NMT1: variants seen among roughly 807,000 people sequenced by gnomAD.
The protein encoded by NMT1 is glycylpeptide N-tetradecanoyltransferase 1.
In NMT1, 12 loss-of-function variants were observed where a neutral mutation model predicts 63.4. The observed-to-expected ratio is 0.19, with a 90% CI of 0.12 to 0.31. The LOEUF is 0.31. Ranked by LOEUF, NMT1 falls within the 10% of genes least tolerant of loss-of-function variation. NMT1 has a pLI of 1.00. For synonymous variants in NMT1, 228 were observed against 234.3 expected, an observed-to-expected ratio of 0.97 and a Z score of 0.25; for missense variants, 432 against 634.6, an observed-to-expected ratio of 0.68 and a Z score of 3.43.
At chr17:45,069,464 G>A (rs1288781342) in intron 1 of NMT1, among the ~76,000 whole-genome samples, 1 of 150,570 alleles carries the variant, frequency 6.6e-6, no homozygotes, top group Non-Finnish European at 1.5e-5. Context: ...GCTGATTTTT[G>A]TATTTTTAGT....
Position 45,103,093 on chromosome 17 carries a change from A to G in NMT1, c.1136A>G (p.Glu379Gly). Residue 379 changes from glutamate to glycine, a missense_variant, in exon 9 of 12, where the codon GAG becomes GGG. Coordinates refer to ENST00000258960, the MANE Select transcript of NMT1 (RefSeq NM_021079.5). This position sits in a 1 kb window ranked among gnomAD's most constrained non-coding sequence, Gnocchi z 4.8. ...GTGGAGCACTGGTTCTACCCCCAGG[A>G]GAATATCATCGACACTTTCGTGGTG... ...EEVEHWFYPQ[E>G]NIIDTFVVEN... The G allele has an allele frequency of 6.2e-7, 1 of 1,612,314 alleles. No individual in the cohort carries two copies. Among genetic ancestry groups the G allele is most frequent in the Non-Finnish European group, 8.5e-7 (1 of 1,178,516 alleles).
At chr17:45,070,763 G>C (rs1312902611) in intron 1 of NMT1, among the ~76,000 whole-genome samples, 2 of 152,144 alleles carry the variant, frequency 1.3e-5, no homozygotes, top group Admixed American at 1.3e-4. Flanking sequence ...TGTTGGCCAG[G>C]CTTGTCTCGA....
At chr17:45,087,973 C>T (rs961098794) in intron 3 of NMT1, among the ~76,000 whole-genome samples, 2 of 152,224 alleles carry the variant, frequency 1.3e-5, no homozygotes, top group Admixed American at 6.5e-5. Flanking sequence ...CCCAAAGCTG[C>T]AGAATCAGAA....
chr17:45,103,132 G>T lies in NMT1; in HGVS notation c.1164+11G>T. On this transcript the variant is annotated intron_variant, in intron 9 of 11. Transcript: ENST00000258960. This position sits in a 1 kb window ranked among gnomAD's most constrained non-coding sequence, Gnocchi z 4.8. ...ACTTTCGTGGTGGAGGTGAGTCAGG[G>T]AGTGGTGTTCCAGGTCTCTAACACG... The T allele has an allele frequency of 6.2e-7, 1 of 1,602,696 alleles. No homozygotes were observed. Among genetic ancestry groups the T allele is most frequent in the Non-Finnish European group, 8.5e-7 (1 of 1,170,734 alleles).
chr17:45,104,065 C>T lies in NMT1; in HGVS notation c.1332+189C>T, dbSNP rs111812742. On this transcript the variant is annotated intron_variant, in intron 10 of 11. Coordinates refer to ENST00000258960, the MANE Select transcript of NMT1 (RefSeq NM_021079.5). This position sits in a 1 kb window ranked among gnomAD's most constrained non-coding sequence, Gnocchi z 4.2. ...AAACTTGGAGGGAACAAGGAGCATC[C>T]GAAGTGAAGGCATTGAACTCCTCCT... is the stretch of plus-strand genomic sequence containing the variant. 73 of 1,522,166 alleles carry T rather than the reference C, an allele frequency of 4.8e-5. No individual in the cohort carries two copies. The highest frequency in any genetic ancestry group is 6.2e-5 in the Non-Finnish European group (71 of 1,139,568). 94.3% of individuals were successfully genotyped at this position (1,522,166 alleles called of 1,614,324 possible). A position where few individuals can be genotyped will look rare whatever the true frequency, so the allele number is the denominator to read the frequency against.
At chr17:45,101,009 G>A (rs1188100310) in intron 8 of NMT1, among the ~76,000 whole-genome samples, 25 of 146,202 alleles carry the variant, frequency 1.7e-4, no homozygotes, top group Non-Finnish European at 4.5e-5. Context: ...GTGAAACCCC[G>A]TCTCTACTAA....
chr17:45,096,339 C>A, intron 5 of NMT1, 54 bp downstream of exon 5: 1 of 1,350,118 alleles, frequency 7.4e-7, no homozygotes, highest in Non-Finnish European at 1.1e-6. Flanking sequence ...AGAGCAGATC[C>A]ACCAGAGGGC....
intron 8 of NMT1, among the ~76,000 whole-genome samples, chr17:45,101,138 A>C (rs1034118797): frequency 1.3e-5 from 2 of 151,374 alleles, no homozygotes; most frequent in Non-Finnish European, 2.9e-5. Context: ...GAGCTGAGAT[A>C]GCGCCATTGC....
intron 1 of NMT1, among the ~76,000 whole-genome samples, chr17:45,070,735 T>C (rs1380066162): frequency 6.6e-6 from 1 of 152,088 alleles, no homozygotes; most frequent in Non-Finnish European, 1.5e-5. Flanking sequence ...TAATTTTTAG[T>C]AGAGAAGGGT....
intron 1 of NMT1, among the ~76,000 whole-genome samples, chr17:45,076,731 C>T (rs1010640055): frequency 2.0e-5 from 3 of 148,838 alleles, no homozygotes; most frequent in Non-Finnish European, 4.5e-5. Context: ...GCCTGGGCAA[C>T]AAGAGTGAAA....
chr17:45,080,190 C>T (rs886747149), intron 1 of NMT1, among the ~76,000 whole-genome samples: 100 of 149,484 alleles, frequency 6.7e-4, no homozygotes, highest in African/African-American at 2.3e-3. Context: ...GACGGAGTTT[C>T]GCTCTTGTTT....
chr17:45,096,981 C>A (rs562854234), intron 5 of NMT1, 147 bp from the exon 6 acceptor site: 2 of 682,038 alleles, frequency 2.9e-6, no homozygotes, highest in East Asian at 5.0e-5. Context: ...TCTGTGTGTC[C>A]AGGAGGGCTT....
At chr17:45,089,781 GGTGC>G (rs888980039) in intron 3 of NMT1, among the ~76,000 whole-genome samples, 5 of 152,006 alleles carry the variant, frequency 3.3e-5, no homozygotes, top group Non-Finnish European at 7.4e-5. Context: ...TGGGACTACA[GGTGC>G]CTGCCACATG....
At chr17:45,098,655 T>C in intron 7 of NMT1, 103 bp downstream of exon 7, 1 of 1,065,046 alleles carries the variant, frequency 9.4e-7, no homozygotes, top group South Asian at 1.5e-5. Context: ...GCATCCCACC[T>C]CTGGCGTATC....
intron 1 of NMT1, among the ~76,000 whole-genome samples, chr17:45,063,507 C>CTTTTTTTTTTTTTTTTTT (rs1555604063): frequency 2.6e-5 from 4 of 151,306 alleles, no homozygotes; most frequent in South Asian, 2.1e-4. Flanking sequence ...TTTGTAGTTG[C>CTTTTTTTTTTTTTTTTTT]TTTTATTTTT....
In NMT1 at chr17:45,105,108, C is replaced by G; in HGVS notation, c.1470+112C>G. 7.2e-7 allele frequency: 1 copy of G among 1,383,052 alleles called. No homozygotes were observed. Among genetic ancestry groups the G allele is most frequent in the South Asian group, 1.3e-5 (1 of 77,454 alleles). The allele number at this position is 1,383,052 out of a possible 1,614,324, so 85.7% of individuals were successfully genotyped here. On this transcript the variant is annotated intron_variant, in intron 11 of 11. Coordinates refer to ENST00000258960, the MANE Select transcript of NMT1 (RefSeq NM_021079.5). The surrounding 1 kb of genome is among the most constrained non-coding windows in gnomAD (Gnocchi z 4.2). ...GCCGCAGTCTGGGTCCTTGTTACCT[C>G]GAGTTGAACCTTTGAAAATGCCCTC...
At chr17:45,091,742 T>C (rs1490833603) in intron 3 of NMT1, among the ~76,000 whole-genome samples, 2 of 152,080 alleles carry the variant, frequency 1.3e-5, no homozygotes, top group Middle Eastern at 3.4e-3. Flanking sequence ...AATGGTGGGT[T>C]TTGGCTGGGC....
At chr17:45,102,412 TG>T (rs1208132014) in intron 8 of NMT1, among the ~76,000 whole-genome samples, 2 of 152,208 alleles carry the variant, frequency 1.3e-5, no homozygotes, top group Non-Finnish European at 2.9e-5. Flanking sequence ...GCTTTTCTTC[TG>T]AATGTAACCC....
intron 1 of NMT1, among the ~76,000 whole-genome samples, chr17:45,076,971 GA>G: frequency 6.6e-6 from 1 of 152,172 alleles, no homozygotes; most frequent in Non-Finnish European, 1.5e-5. Flanking sequence ...TTCAGCCCAA[GA>G]TCCTTCCACA....
Sources: allele counts gnomAD v4.1 joint callset (sites outside exome capture counted in the v4.1 genomes callset), GRCh38; gene constraint gnomAD v4.1.1; non-coding constraint Gnocchi (gnomAD v3.1); transcripts MANE v1.5; gene names NCBI Gene and HGNC (gene_info 2026-07-23, HGNC 2026-07-21).